The following ADAMTS3 variants were observed in gnomAD, a reference collection of about 807,000 sequenced individuals.
ADAMTS3 encodes A disintegrin and metalloproteinase with thrombospondin motifs 3.
In ADAMTS3, 73 loss-of-function variants were observed where a neutral mutation model predicts 129.0. The observed-to-expected ratio is 0.57, with a 90% CI of 0.47 to 0.69. ADAMTS3 has a LOEUF of 0.69. ADAMTS3 is among the 30% of genes least tolerant of loss of function. The pLI, the probability that ADAMTS3 is intolerant of heterozygous loss-of-function variation, is 0.00. For synonymous variants in ADAMTS3, 477 were observed against 510.8 expected (o/e 0.93, Z 0.89); for missense variants, 1,457 against 1,514.5 (o/e 0.96, Z 0.63).
At chr4:72,299,305 C>T (rs1718894145) in intron 17 of ADAMTS3, among the ~76,000 whole-genome samples, 1 of 151,698 alleles carries the variant, frequency 6.6e-6, no homozygotes, top group Non-Finnish European at 1.5e-5. Context: ...GCACTGAAGG[C>T]CCTGACTTTA....
intron 3 of ADAMTS3, among the ~76,000 whole-genome samples, chr4:72,488,626 G>C (rs1578727740): frequency 6.6e-6 from 1 of 151,802 alleles, no homozygotes; most frequent in Non-Finnish European, 1.5e-5. Context: ...TTTCAAGATA[G>C]ATTACTTTAT....
chr4:72,291,953 A>T (rs1358706934), intron 19 of ADAMTS3, among the ~76,000 whole-genome samples: 2 of 152,162 alleles, frequency 1.3e-5, no homozygotes. Flanking sequence ...GTGACTCTGA[A>T]ATCTTCTTCT....
chr4:72,319,357 C>T lies in ADAMTS3; in HGVS notation c.1327G>A (p.Gly443Ser), dbSNP rs142177013. Reference sequence around the variant, plus strand: ...TGGATATATCTTTTCAGTTCTTGACCACTGCATCGGGACCAGTGGTAACGA... The same window carrying T: ...TGGATATATCTTTTCAGTTCTTGACTACTGCATCGGGACCAGTGGTAACGA... Reference protein sequence around the residue: ...FHRYHWSRCSGQELKRYIHSY... With the variant: ...FHRYHWSRCSSQELKRYIHSY... The change falls in exon 9 of 22, where the codon GGT becomes AGT. Residue 443 changes from glycine to serine, a missense_variant. Physicochemically the swap from Gly to Ser is moderately conservative, Grantham distance 56. Transcript: ENST00000286657. 9 of 1,613,708 alleles carry T rather than the reference C, an allele frequency of 5.6e-6. No homozygotes were observed. Among genetic ancestry groups the T allele is most frequent in the African/African-American group, 1.3e-5 (1 of 74,866 alleles).
intron 3 of ADAMTS3, among the ~76,000 whole-genome samples, chr4:72,424,380 A>G (rs947469234): frequency 6.6e-6 from 1 of 152,078 alleles, no homozygotes; most frequent in African/African-American, 2.4e-5. Flanking sequence ...GGTTCTTATC[A>G]AAATACAGGC....
chr4:72,377,806 A>T (rs1721171327), intron 4 of ADAMTS3, among the ~76,000 whole-genome samples: 1 of 152,136 alleles, frequency 6.6e-6, no homozygotes, highest in Non-Finnish European at 1.5e-5. Context: ...TGTGCTCAGA[A>T]AAAGGGCATT....
intron 9 of ADAMTS3, 144 bp downstream of exon 9, chr4:72,319,188 C>A: frequency 1.1e-6 from 1 of 946,918 alleles, no homozygotes; most frequent in Non-Finnish European, 1.5e-6. Flanking sequence ...AATTTTTGTG[C>A]TGAATGTTCT....
chr4:72,331,264 G>C (rs1373401603), intron 5 of ADAMTS3, among the ~76,000 whole-genome samples: 1 of 152,122 alleles, frequency 6.6e-6, no homozygotes, highest in Non-Finnish European at 1.5e-5. Flanking sequence ...GAATCGACTT[G>C]TGCTTGATGC....
intron 3 of ADAMTS3, among the ~76,000 whole-genome samples, chr4:72,425,687 T>C (rs959587244): frequency 5.9e-5 from 9 of 152,126 alleles, no homozygotes; most frequent in Non-Finnish European, 1.2e-4. Context: ...GGCTGCATAG[T>C]ATTCTATGGT....
intron 12 of ADAMTS3, among the ~76,000 whole-genome samples, chr4:72,313,332 C>T (rs1719297010): frequency 6.6e-6 from 1 of 152,200 alleles, no homozygotes; most frequent in Admixed American, 6.5e-5. Context: ...TGGTACCGCT[C>T]TTTCCTGGAC....
chr4:72,538,491 A>G (rs1721236418), intron 3 of ADAMTS3, among the ~76,000 whole-genome samples: 1 of 152,082 alleles, frequency 6.6e-6, no homozygotes, highest in Non-Finnish European at 1.5e-5. Flanking sequence ...TATATTCAGA[A>G]TAACAAGAGA....
Position 72,436,617 on chromosome 4 carries a change from C to G in ADAMTS3, c.505-21646G>C, listed in dbSNP as rs1717933368. On this transcript the variant is annotated intron_variant, in intron 3 of 21. Coordinates refer to ENST00000286657, the MANE Select transcript of ADAMTS3 (RefSeq NM_014243.3). ...ACTTGGAACCAACCCAAATGTCCAT[C>G]AATGATAGACTGGATTAAGAAAATG... Among the ~76,000 whole-genome samples the G allele has an allele frequency of 1.3e-5, 2 of 151,818 alleles. 1 individual carries two copies. Among genetic ancestry groups the G allele is most frequent in the Non-Finnish European group, 2.9e-5 (2 of 67,954 alleles).
chr4:72,379,864 T>C (rs1721235245), intron 4 of ADAMTS3, among the ~76,000 whole-genome samples: 1 of 152,152 alleles, frequency 6.6e-6, no homozygotes, highest in Non-Finnish European at 1.5e-5. Context: ...TTTATATTAT[T>C]ACTACTATGA....
intron 2 of ADAMTS3, among the ~76,000 whole-genome samples, chr4:72,561,156 G>A (rs1208211179): frequency 6.6e-6 from 1 of 152,026 alleles, no homozygotes; most frequent in East Asian, 1.9e-4. Context: ...TTCAGGACCA[G>A]CTGGCCAAGA....
At chr4:72,288,002 A>G (rs558616493) in intron 21 of ADAMTS3, among the ~76,000 whole-genome samples, 1 of 152,276 alleles carries the variant, frequency 6.6e-6, no homozygotes, top group African/African-American at 2.4e-5. Context: ...AGTAGCTGAA[A>G]TTACAGGCAT....
chr4:72,547,629 C>T (rs956417078), intron 3 of ADAMTS3, among the ~76,000 whole-genome samples: 1 of 152,096 alleles, frequency 6.6e-6, no homozygotes, highest in African/African-American at 2.4e-5. Context: ...GGTGAAGAGA[C>T]AGTTTTTCTC....
chr4:72,322,733 C>T (rs1719588421), intron 6 of ADAMTS3, among the ~76,000 whole-genome samples: 1 of 152,120 alleles, frequency 6.6e-6, no homozygotes, highest in East Asian at 1.9e-4. Flanking sequence ...ATAATAGTAT[C>T]CATTCATTTC....
At chr4:72,539,148 A>G (rs181166852) in intron 3 of ADAMTS3, among the ~76,000 whole-genome samples, 1 of 152,266 alleles carries the variant, frequency 6.6e-6, no homozygotes, top group East Asian at 1.9e-4. Flanking sequence ...AAACAAAAGA[A>G]AAAATAAATT....
rs148575164 is a variant in ADAMTS3, at chr4:72,512,473, C to T, written c.504+36005G>A. Among the ~76,000 whole-genome samples, 524 of 152,228 alleles carry T rather than the reference C, an allele frequency of 3.4e-3. 3 individuals carry two copies. The highest frequency in any genetic ancestry group is 0.012 in the African/African-American group (487 of 41,542). The stretch of plus-strand genomic sequence containing the variant: ...CACCACTGCACTCCAGCCTGGGCAA[C>T]AGAGCAAGACTCCGTCTCAAAAATA... On this transcript the variant is annotated intron_variant, in intron 3 of 21. Transcript: ENST00000286657.
intron 3 of ADAMTS3, among the ~76,000 whole-genome samples, chr4:72,491,362 C>G (rs900743908): frequency 1.3e-5 from 2 of 151,678 alleles, no homozygotes; most frequent in Non-Finnish European, 3.0e-5. Context: ...GAGTAGGCAT[C>G]TTTGTATTGT....
Sources: allele counts gnomAD v4.1 joint callset (sites outside exome capture counted in the v4.1 genomes callset), GRCh38; gene constraint gnomAD v4.1.1; transcripts MANE v1.5; gene names NCBI Gene and HGNC (gene_info 2026-07-23, HGNC 2026-07-21).